The following COL12A1 variants were observed in gnomAD, a reference collection of about 807,000 sequenced individuals.
The protein encoded by COL12A1 is collagen alpha-1(XII) chain.
Under a neutral mutation model 349.7 loss-of-function variants are expected in COL12A1, and 114 were observed. That is an observed-to-expected ratio of 0.33 (90% CI 0.28 to 0.38). The LOEUF is 0.38. COL12A1 is among the 10% of genes least tolerant of loss of function. COL12A1 has a pLI of 1.00. For synonymous variants in COL12A1, 1,369 were observed against 1,329.0 expected (o/e 1.03, Z -0.66); for missense variants, 3,284 against 3,756.9 (o/e 0.87, Z 3.29).
In COL12A1 at chr6:75,183,889, A is replaced by T. The variant is rs745309460; in HGVS notation, c.1253T>A (p.Ile418Lys). 6.2e-7 allele frequency: 1 copy of T among 1,614,194 alleles called. No individual in the cohort carries two copies. The highest frequency in any genetic ancestry group is 8.5e-7 in the Non-Finnish European group (1 of 1,180,030). The change falls in exon 9 of 66, where the codon ATA becomes AAA. Residue 418 changes from isoleucine (I) to lysine (K), a missense_variant. By Grantham distance (102) the Ile-to-Lys change is moderately radical. Coordinates refer to ENST00000322507, the MANE Select transcript of COL12A1 (RefSeq NM_004370.6). ...TTTCATTGGCTGAGTCTTCTCCATT[A>T]TTGAAATGGGTTCACTGGATGTCAT... is the stretch of plus-strand genomic sequence containing the variant. ...KGMTSSEPIS[I>K]MEKTQPMKVQ...
intron 64 of COL12A1, among the ~76,000 whole-genome samples, 188 bp downstream of exon 64, chr6:75,088,918 G>A (rs1054125341): frequency 2.6e-5 from 4 of 151,604 alleles, no homozygotes; most frequent in Non-Finnish European, 4.4e-5. Flanking sequence ...GAAGAATGGC[G>A]TGAACCCAGG....
Position 75,128,595 on chromosome 6 carries a change from C to G in COL12A1, c.6211-170G>C, listed in dbSNP as rs1766138308. On this transcript the variant is annotated intron_variant, in intron 37 of 65. Coordinates refer to ENST00000322507, the MANE Select transcript of COL12A1 (RefSeq NM_004370.6). ...AACTATCTTCACTTCTTCTCTGCAG[C>G]ATAGGAGAGTGGTTTTAGAATCAGA... Among the ~76,000 whole-genome samples the G allele has an allele frequency of 2.6e-5, 4 of 152,148 alleles. No individual in the cohort carries two copies. In the South Asian group the frequency reaches 6.2e-4, roughly 24 times the overall value.
At chr6:75,153,976 A>G (rs1767625144) in intron 17 of COL12A1, among the ~76,000 whole-genome samples, 1 of 152,104 alleles carries the variant, frequency 6.6e-6, no homozygotes, top group Admixed American at 6.5e-5. Context: ...TACAATATCT[A>G]CATTTAGTAA....
intron 57 of COL12A1, 33 bp downstream of exon 57, chr6:75,101,966 G>A: frequency 6.2e-7 from 1 of 1,611,802 alleles, no homozygotes; most frequent in South Asian, 1.1e-5. Context: ...TTTTCAAATA[G>A]CACATGACAG....
At chr6:75,115,162 A>G (rs952075500) in intron 49 of COL12A1, among the ~76,000 whole-genome samples, 3 of 152,116 alleles carry the variant, frequency 2.0e-5, no homozygotes, top group Non-Finnish European at 2.9e-5. Context: ...AGCTTACAAT[A>G]CCTTAATTTC....
In COL12A1 at chr6:75,156,322, T is replaced by A. The variant is rs1767758694; in HGVS notation, c.3185A>T (p.Asp1062Val). The A allele has an allele frequency of 3.7e-6, 6 of 1,613,986 alleles. No homozygotes were observed. The highest frequency in any genetic ancestry group is 5.1e-6 in the Non-Finnish European group (6 of 1,179,882). Residue 1062 changes from aspartate to valine, a missense_variant, in exon 15 of 66, where the codon GAC (aspartate) becomes GTC (valine). Asp to Val is a radical substitution (Grantham distance 152, BLOSUM62 -3). Transcript: ENST00000322507. The part of the protein sequence containing the change: ...LKRLQPQTTY[D>V]ITVLPIYKMG... Reference sequence around the variant, plus strand: ...CTTGTAAATAGGAAGAACTGTGATGTCATATGTGGTCTGTGGCTGAAGTCG... The same window carrying A: ...CTTGTAAATAGGAAGAACTGTGATGACATATGTGGTCTGTGGCTGAAGTCG...
Position 75,119,376 on chromosome 6 carries a change from C to T in COL12A1, c.7184G>A (p.Arg2395Lys), listed in dbSNP as rs1297625818. 6.2e-7 allele frequency: 1 copy of T among 1,613,768 alleles called. No homozygotes were observed. The highest frequency in any genetic ancestry group is 8.5e-7 in the Non-Finnish European group (1 of 1,179,872). Residue 2395 changes from arginine to lysine, a missense_variant, in exon 45 of 66, where the codon AGG (arginine) becomes AAG (lysine). Physicochemically the swap from Arg to Lys is conservative, Grantham distance 26. This residue lies in a region of COL12A1 where 683 missense variants were observed against 932.1 expected (regional missense o/e 0.73). Transcript: ENST00000322507. ...ALALGALQNI[R>K]YRGGNTRTGK... ...TGTTCTTGTGTTTCCTCCTCTGTAC[C>T]TAATATTCTGGAGGGCCCCAAGGGC... is the stretch of plus-strand genomic sequence containing the variant.
intron 36 of COL12A1, 33 bp downstream of exon 36, chr6:75,130,819 G>T: frequency 6.2e-7 from 1 of 1,613,260 alleles, no homozygotes; most frequent in Non-Finnish European, 8.5e-7. Flanking sequence ...CTAGCTACAA[G>T]GGAATGGAAT....
rs186328815 is a variant in COL12A1, at chr6:75,102,048, C to G, written c.8420G>C (p.Arg2807Pro). The part of the protein sequence containing the change: ...NGLSIPGEQG[R>P]QGMKGDAGEP... ...TCCAGCATCACCTTTCATCCCTTGG[C>G]GACCCTAGAGTGAGCAATGGGAAAA... Residue 2807 changes from arginine to proline, a missense_variant, in exon 57 of 66, where the codon CGC becomes CCC. Physicochemically the swap from Arg to Pro is moderately radical, Grantham distance 103. Coordinates refer to ENST00000322507, the MANE Select transcript of COL12A1 (RefSeq NM_004370.6). The G allele has an allele frequency of 1.2e-6, 2 of 1,614,018 alleles. No individual in the cohort carries two copies. The highest frequency in any genetic ancestry group is 2.2e-5 in the South Asian group (2 of 91,068).
At chr6:75,194,607 C>T (rs1770124171) in intron 3 of COL12A1, among the ~76,000 whole-genome samples, 1 of 152,082 alleles carries the variant, frequency 6.6e-6, no homozygotes, top group African/African-American at 2.4e-5. Context: ...TTAATAATAA[C>T]AACCTACCAC....
At position 75,135,398 on chromosome 6, in the gene COL12A1, G is replaced by A. The variant is rs553235772; in HGVS notation, c.5395-543C>T. Reference sequence around the variant, plus strand: ...TGTTAACGACATGACCAGACCTTTTGCCAGGCCACACTCAATCAGGGGTTT... The same window carrying A: ...TGTTAACGACATGACCAGACCTTTTACCAGGCCACACTCAATCAGGGGTTT... On this transcript the variant is annotated intron_variant, in intron 31 of 65. Coordinates refer to ENST00000322507, the MANE Select transcript of COL12A1 (RefSeq NM_004370.6). Among the ~76,000 whole-genome samples, 24 of 152,150 alleles carry A rather than the reference G, an allele frequency of 1.6e-4. 1 individual carries two copies. The highest frequency in any genetic ancestry group is 3.9e-4 in the East Asian group (2 of 5,176).
chr6:75,159,164 T>C (rs1767907198), intron 14 of COL12A1, among the ~76,000 whole-genome samples: 1 of 151,480 alleles, frequency 6.6e-6, no homozygotes. Context: ...AGGACAAAGA[T>C]AAGAATGATA....
At position 75,117,557 on chromosome 6, in the gene COL12A1, G is replaced by A; in HGVS notation, c.7355-11C>T. ...CAAAGACACTGAACCCTGCAAAGTA[G>A]CATTTATAGAATGAATCACGTATCT... On this transcript the variant is annotated splice_polypyrimidine_tract_variant and intron_variant, in intron 46 of 65. Coordinates refer to ENST00000322507, the MANE Select transcript of COL12A1 (RefSeq NM_004370.6). 1.2e-6 allele frequency: 2 copies of A among 1,606,804 alleles called. No individual in the cohort carries two copies. Among genetic ancestry groups the A allele is most frequent in the South Asian group, 1.1e-5 (1 of 90,690 alleles).
intron 46 of COL12A1, among the ~76,000 whole-genome samples, chr6:75,118,631 C>T (rs961218209): frequency 6.6e-6 from 1 of 152,184 alleles, no homozygotes; most frequent in East Asian, 1.9e-4. Flanking sequence ...TGCAACATAT[C>T]TTTTAGCACT....
At chr6:75,140,796 A>G (rs1310059888) in intron 27 of COL12A1, among the ~76,000 whole-genome samples, 4 of 152,096 alleles carry the variant, frequency 2.6e-5, no homozygotes, top group Admixed American at 2.6e-4. Flanking sequence ...GTTCCAGACT[A>G]TAGTATCAGT....
chr6:75,202,737 G>T lies in COL12A1; in HGVS notation c.56C>A (p.Ser19Tyr). Residue 19 changes from serine to tyrosine, a missense_variant, in exon 2 of 66, where the codon TCT becomes TAT. Coordinates refer to ENST00000322507, the MANE Select transcript of COL12A1 (RefSeq NM_004370.6). The part of the protein sequence containing the change: ...LAALGAALLL[S>Y]SIEAEVDPPS... Reference sequence around the variant, plus strand: ...CCTTTTACCTTCTGCCTCAATGGAAGACAGGAGCAGGGCCGCGCCCAGGGC... The same window carrying T: ...CCTTTTACCTTCTGCCTCAATGGAATACAGGAGCAGGGCCGCGCCCAGGGC... 2 of 1,551,908 alleles carry T rather than the reference G, an allele frequency of 1.3e-6. No individual in the cohort carries two copies. Among genetic ancestry groups the T allele is most frequent in the Non-Finnish European group, 1.7e-6 (2 of 1,147,056 alleles).
intron 21 of COL12A1, 36 bp from the exon 22 acceptor site, chr6:75,148,533 T>C (rs771837176): frequency 6.4e-7 from 1 of 1,572,692 alleles, no homozygotes; most frequent in South Asian, 1.1e-5. Context: ...ACTTTTCTCA[T>C]TATTGTAGAA....
At chr6:75,203,024 G>A (rs1006282623) in intron 1 of COL12A1, among the ~76,000 whole-genome samples, 197 bp from the exon 2 acceptor site, 21 of 152,214 alleles carry the variant, frequency 1.4e-4, no homozygotes, top group African/African-American at 5.1e-4. Flanking sequence ...ATGGCCCTAG[G>A]AGGAAGTTCA....
At chr6:75,095,758 T>C (rs1314938321) in intron 59 of COL12A1, among the ~76,000 whole-genome samples, 1 of 152,082 alleles carries the variant, frequency 6.6e-6, no homozygotes, top group Non-Finnish European at 1.5e-5. Context: ...CATATGTATA[T>C]AATCAGTTTC....
Sources: allele counts gnomAD v4.1 joint callset (sites outside exome capture counted in the v4.1 genomes callset), GRCh38; gene constraint gnomAD v4.1.1; regional missense constraint gnomAD v4.1.1; transcripts MANE v1.5; gene names NCBI Gene and HGNC (gene_info 2026-07-23, HGNC 2026-07-21).